Variants in NDUFS1 observed in about 807,000 individuals in gnomAD.
NDUFS1 encodes the protein NADH:ubiquinone oxidoreductase core subunit S1, also known as NADH-ubiquinone oxidoreductase 75 kDa subunit, mitochondrial.
In NDUFS1, 61 loss-of-function variants were observed where a neutral mutation model predicts 84.4. The ratio of observed to expected loss-of-function variants is 0.72; its 90% CI spans 0.59 to 0.89. NDUFS1 has a LOEUF of 0.89. Ranked by LOEUF, NDUFS1 falls within the 40% of genes least tolerant of loss-of-function variation. NDUFS1 has a pLI of 0.00. For synonymous variants in NDUFS1, 275 were observed against 290.0 expected, an observed-to-expected ratio of 0.95 and a Z score of 0.53; for missense variants, 891 against 890.0, an observed-to-expected ratio of 1.00 and a Z score of -0.01.
intron 8 of NDUFS1, among the ~76,000 whole-genome samples, chr2:206,146,384 G>T (rs1250674744): frequency 6.6e-6 from 1 of 152,138 alleles, no homozygotes; most frequent in Non-Finnish European, 1.5e-5. Context: ...TTTAAAATTG[G>T]ATGATAATTT....
Position 206,138,520 on chromosome 2 carries a change from G to C in NDUFS1, c.1357C>G (p.Gln453Glu), listed in dbSNP as rs1311345884. 3.7e-6 allele frequency: 6 copies of C among 1,613,994 alleles called. No individual in the cohort carries two copies. Among genetic ancestry groups the C allele is most frequent in the Non-Finnish European group, 5.1e-6 (6 of 1,179,972 alleles). Reference sequence around the variant, plus strand: ...GGATGGCTTCCCGAAGCAATGTCTTGAAGAATTTTGGGGGAGTCTCCCAGG... The same window carrying C: ...GGATGGCTTCCCGAAGCAATGTCTTCAAGAATTTTGGGGGAGTCTCCCAGG... The part of the protein sequence containing the change: ...DHLGDSPKIL[Q>E]DIASGSHPFS... Residue 453 changes from glutamine to glutamate, a missense_variant, in exon 13 of 19, where the codon CAA becomes GAA. Physicochemically the swap from Gln to Glu is conservative, Grantham distance 29 (BLOSUM62 2). Coordinates refer to ENST00000233190, the MANE Select transcript of NDUFS1 (RefSeq NM_005006.7).
At chr2:206,137,473 C>T (rs1347122045) in intron 13 of NDUFS1, among the ~76,000 whole-genome samples, 1 of 150,914 alleles carries the variant, frequency 6.6e-6, no homozygotes, top group East Asian at 1.9e-4. Flanking sequence ...CGTCTCCCCG[C>T]CAAGGAAAAA....
At chr2:206,152,865 C>A (rs1176013173) in intron 2 of NDUFS1, among the ~76,000 whole-genome samples, 4 of 151,848 alleles carry the variant, frequency 2.6e-5, no homozygotes, top group African/African-American at 2.4e-5. Flanking sequence ...CCACCACGCC[C>A]GCTAATTTTT....
chr2:206,153,548 T>C (rs1413177571), intron 2 of NDUFS1, 70 bp downstream of exon 2: 2 of 927,092 alleles, frequency 2.2e-6, no homozygotes, highest in East Asian at 2.4e-5. Flanking sequence ...TGATAAACTA[T>C]GCCATAGACT....
intron 7 of NDUFS1, 71 bp downstream of exon 7, chr2:206,147,460 T>C: frequency 2.8e-6 from 4 of 1,453,416 alleles, no homozygotes; most frequent in Non-Finnish European, 3.7e-6. Context: ...TCCAATGTTA[T>C]TATTCATCAA....
chr2:206,127,706 C>A (rs1388226556), intron 16 of NDUFS1, 91 bp downstream of exon 16: 39 of 1,323,524 alleles, frequency 2.9e-5, no homozygotes, highest in Middle Eastern at 2.5e-4. Flanking sequence ...TTCAGACTGG[C>A]ATCTTCCTTG....
At position 206,117,985 on chromosome 2, in the gene NDUFS1, A is replaced by G. The variant is rs983203704; in HGVS notation, c.*6200T>C. The G allele has an allele frequency of 2.0e-5, 3 of 152,200 alleles. No individual in the cohort carries two copies. The highest frequency in any genetic ancestry group is 4.4e-5 in the Non-Finnish European group (3 of 68,038). The allele number at this position is 152,200 out of a possible 1,614,324, so 9.4% of individuals were successfully genotyped here. A position where few individuals can be genotyped will look rare whatever the true frequency, so the allele number is the denominator to read the frequency against. On this transcript the variant is annotated 3_prime_UTR_variant, in exon 19 of 19. Coordinates refer to ENST00000233190, the MANE Select transcript of NDUFS1 (RefSeq NM_005006.7). ...ATTAATCACCAGTCTCAGATCATATATTTGCCATTTCCAACATATGCTTTT... is the reference window on the plus strand; with the variant it reads ...ATTAATCACCAGTCTCAGATCATATGTTTGCCATTTCCAACATATGCTTTT...
intron 1 of NDUFS1, among the ~76,000 whole-genome samples, chr2:206,156,078 A>G (rs1039513914): frequency 2.6e-5 from 4 of 151,004 alleles, no homozygotes; most frequent in African/African-American, 9.7e-5. Flanking sequence ...CCTGGCCAAC[A>G]TGGTGAAACC....
intron 13 of NDUFS1, among the ~76,000 whole-genome samples, chr2:206,136,623 G>A (rs13407166): frequency 0.022 from 3,396 of 151,594 alleles, 126 homozygotes; most frequent in African/African-American, 0.078. Context: ...TAGTAGAGAC[G>A]GGGTTTAACC....
intron 8 of NDUFS1, 128 bp downstream of exon 8, chr2:206,146,775 T>C (rs1692167329): frequency 2.4e-5 from 20 of 843,936 alleles, no homozygotes; most frequent in South Asian, 1.7e-4. Context: ...ATTTAAAGGG[T>C]TTTACATAAA....
At chr2:206,148,920 AG>A in intron 5 of NDUFS1, 99 bp downstream of exon 5, 1 of 876,104 alleles carries the variant, frequency 1.1e-6, no homozygotes, top group Non-Finnish European at 1.9e-6. Flanking sequence ...ACTTCTTCCG[AG>A]TTTGATATTA....
chr2:206,141,267 G>A (rs770890217), intron 12 of NDUFS1, among the ~76,000 whole-genome samples: 38 of 151,902 alleles, frequency 2.5e-4, no homozygotes, highest in Non-Finnish European at 4.9e-4. Context: ...TAAAAAGGCC[G>A]GGCGCGGTGG....
chr2:206,149,940 A>G lies in NDUFS1; in HGVS notation c.154-15T>C, dbSNP rs79370882. On this transcript the variant is annotated splice_polypyrimidine_tract_variant and intron_variant, in intron 3 of 18. Coordinates refer to ENST00000233190, the MANE Select transcript of NDUFS1 (RefSeq NM_005006.7). ...TTCTCACAAGCCTAGAAGTAAAAAA[A>G]AAAAAAAAAAAAAAAAAAGCATTAG... is the stretch of plus-strand genomic sequence containing the variant. 1.9e-3 allele frequency: 2,596 copies of G among 1,337,620 alleles called. 35 individuals carry two copies. The highest frequency in any genetic ancestry group is 2.2e-3 in the Non-Finnish European group (2,119 of 965,346). The allele number at this position is 1,337,620 out of a possible 1,614,324, so 82.9% of individuals were successfully genotyped here.
At chr2:206,146,487 A>C (rs896051776) in intron 8 of NDUFS1, among the ~76,000 whole-genome samples, 3 of 144,568 alleles carry the variant, frequency 2.1e-5, no homozygotes, top group African/African-American at 5.9e-5. Context: ...ATATACACAG[A>C]AATGTGTAAA....
intron 15 of NDUFS1, 120 bp from the exon 16 acceptor site, chr2:206,128,092 C>A: frequency 8.9e-6 from 10 of 1,124,188 alleles, no homozygotes; most frequent in Non-Finnish European, 1.2e-5. Flanking sequence ...GTTTTTAAAA[C>A]TAAAATGAAA....
chr2:206,124,744 C>T lies in NDUFS1; in HGVS notation c.2093-468G>A, dbSNP rs564787977. ...GTCCCAGCTACTCGGGAGTCTGAGG[C>T]AGGAGAATCGTGTGAACCTAGGAGG... On this transcript the variant is annotated intron_variant, in intron 18 of 18. Coordinates refer to ENST00000233190, the MANE Select transcript of NDUFS1 (RefSeq NM_005006.7). Among the ~76,000 whole-genome samples the T allele has an allele frequency of 1.2e-4, 19 of 152,094 alleles. No individual in the cohort carries two copies. In the East Asian group the frequency reaches 3.7e-3, roughly 29 times the overall value.
intron 7 of NDUFS1, 150 bp downstream of exon 7, chr2:206,147,381 T>A (rs554006372): frequency 4.5e-5 from 37 of 816,250 alleles, no homozygotes; most frequent in Middle Eastern, 3.6e-4. Flanking sequence ...TAAATGAAAG[T>A]GAACTTATTT....
chr2:206,126,001 A>AT (rs1387545951), intron 18 of NDUFS1, among the ~76,000 whole-genome samples: 1 of 152,232 alleles, frequency 6.6e-6, no homozygotes, highest in African/African-American at 2.4e-5. Context: ...ATATAAAAAA[A>AT]TTAAGAGTTC....
intron 12 of NDUFS1, among the ~76,000 whole-genome samples, chr2:206,139,387 A>G (rs186239657): frequency 8.6e-4 from 130 of 151,896 alleles, no homozygotes; most frequent in African/African-American, 2.9e-3. Flanking sequence ...GGCTTTCACC[A>G]TGTTGGCCAG....
Sources: allele counts gnomAD v4.1 joint callset (sites outside exome capture counted in the v4.1 genomes callset), GRCh38; gene constraint gnomAD v4.1.1; transcripts MANE v1.5; gene names NCBI Gene and HGNC (gene_info 2026-07-23, HGNC 2026-07-21).